The following LHFPL3 variants were observed in gnomAD, a reference collection of about 807,000 sequenced individuals.
The protein encoded by LHFPL3 is LHFPL tetraspan subfamily member 3 protein.
Under a neutral mutation model 19.3 loss-of-function variants are expected in LHFPL3, and 5 were observed. That is an observed-to-expected ratio of 0.26 (90% CI 0.14 to 0.54). LHFPL3 has a LOEUF of 0.54. LHFPL3 is among the 20% of genes least tolerant of loss of function. The pLI is 0.94. For missense variants in LHFPL3, 249 were observed against 307.4 expected (o/e 0.81, Z 1.42); for synonymous variants, 133 against 126.2 (o/e 1.05, Z -0.36).
intron 1 of LHFPL3, among the ~76,000 whole-genome samples, chr7:104,461,551 C>T (rs962122232): frequency 6.6e-6 from 1 of 152,090 alleles, no homozygotes; most frequent in African/African-American, 2.4e-5. Context: ...CTATTCTGTT[C>T]CATTGGTCTA....
chr7:104,874,407 G>GC (rs1791895049), intron 2 of LHFPL3, among the ~76,000 whole-genome samples: 2 of 90,936 alleles, frequency 2.2e-5, no homozygotes, highest in African/African-American at 9.7e-5. Flanking sequence ...TTTTTTTTTT[G>GC]GGGGGGGGAC....
At chr7:104,827,630 T>C (rs753197066) in intron 2 of LHFPL3, among the ~76,000 whole-genome samples, 3 of 151,606 alleles carry the variant, frequency 2.0e-5, no homozygotes, top group Admixed American at 6.6e-5. Context: ...TTTTGATTGA[T>C]AGTATCTTGT....
At chr7:104,870,689 A>C (rs1472653384) in intron 2 of LHFPL3, among the ~76,000 whole-genome samples, 1 of 152,200 alleles carries the variant, frequency 6.6e-6, no homozygotes, top group Admixed American at 6.5e-5. Flanking sequence ...CAGCTGATGC[A>C]GAGAAGAAAG....
At chr7:104,814,889 G>A (rs1356164515) in intron 2 of LHFPL3, among the ~76,000 whole-genome samples, 2 of 152,218 alleles carry the variant, frequency 1.3e-5, no homozygotes, top group Admixed American at 6.5e-5. Flanking sequence ...ACCAGGCGGC[G>A]GGAGCAGGCA....
At chr7:104,504,916 A>G (rs1278278753) in intron 1 of LHFPL3, among the ~76,000 whole-genome samples, 1 of 152,216 alleles carries the variant, frequency 6.6e-6, no homozygotes, top group East Asian at 1.9e-4. Context: ...TCAACAGTGG[A>G]ACAGCTGGCC....
At chr7:104,854,906 T>A (rs1310571240) in intron 2 of LHFPL3, among the ~76,000 whole-genome samples, 1 of 152,210 alleles carries the variant, frequency 6.6e-6, no homozygotes, top group Non-Finnish European at 1.5e-5. Flanking sequence ...GGCGTATAAT[T>A]TCTCATAATT....
chr7:104,580,698 G>A (rs536324528), intron 1 of LHFPL3, among the ~76,000 whole-genome samples: 26 of 151,920 alleles, frequency 1.7e-4, no homozygotes, highest in African/African-American at 5.3e-4. Context: ...CATACTCATC[G>A]CAGTCAATCT....
intron 1 of LHFPL3, among the ~76,000 whole-genome samples, chr7:104,607,007 G>A (rs1282707474): frequency 1.3e-5 from 2 of 152,146 alleles, no homozygotes; most frequent in Non-Finnish European, 2.9e-5. Context: ...ATCTATAGGA[G>A]CAATTGGCAA....
In LHFPL3 at chr7:104,851,539, G is replaced by A. The variant is rs368096890; in HGVS notation, c.683-54648G>A. On this transcript the variant is annotated intron_variant, in intron 2 of 2. Coordinates refer to ENST00000424859, the MANE Select transcript of LHFPL3 (RefSeq NM_199000.3). ...GGTTATGAGTATACTTGGCTTATACGGCCAACGCATTGGTCACCCTGGAAA... is the reference window on the plus strand; with the variant it reads ...GGTTATGAGTATACTTGGCTTATACAGCCAACGCATTGGTCACCCTGGAAA... Among the ~76,000 whole-genome samples, 409 of 152,206 alleles carry A rather than the reference G, an allele frequency of 2.7e-3. 2 individuals are homozygous for A. Among genetic ancestry groups the A allele is most frequent in the Middle Eastern group, 0.014 (4 of 294 alleles).
At chr7:104,734,336 C>T (rs1202509999) in intron 1 of LHFPL3, among the ~76,000 whole-genome samples, 1 of 152,168 alleles carries the variant, frequency 6.6e-6, no homozygotes, top group Admixed American at 6.5e-5. Flanking sequence ...TTCCATTCTC[C>T]CCGTCACTTT....
chr7:104,699,300 G>A lies in LHFPL3; in HGVS notation c.446-37375G>A, dbSNP rs550456222. Among the ~76,000 whole-genome samples the A allele has an allele frequency of 3.3e-5, 5 of 152,330 alleles. No homozygotes were observed. In the East Asian group the frequency reaches 9.6e-4, roughly 29 times the overall value. On this transcript the variant is annotated intron_variant, in intron 1 of 2. Coordinates refer to ENST00000424859, the MANE Select transcript of LHFPL3 (RefSeq NM_199000.3). ...CTGAAGCATCCATCAATAGATGAAT[G>A]TATAAGCAATATATGGTATGCACAT...
intron 2 of LHFPL3, among the ~76,000 whole-genome samples, chr7:104,847,291 A>G (rs1486679140): frequency 2.0e-5 from 3 of 152,216 alleles, no homozygotes; most frequent in Non-Finnish European, 2.9e-5. Context: ...TGTATTGCTG[A>G]CCAAGTTAAC....
intron 1 of LHFPL3, among the ~76,000 whole-genome samples, chr7:104,373,882 G>A (rs901642507): frequency 6.6e-6 from 1 of 152,142 alleles, no homozygotes; most frequent in Non-Finnish European, 1.5e-5. Flanking sequence ...CCCCATAGAG[G>A]ATGGCTTTGC....
At chr7:104,793,978 A>T (rs915668335) in intron 2 of LHFPL3, among the ~76,000 whole-genome samples, 1 of 152,190 alleles carries the variant, frequency 6.6e-6, no homozygotes, top group African/African-American at 2.4e-5. Flanking sequence ...CTCGGTGTGG[A>T]TGGGAAGGGA....
At chr7:104,874,819 A>G (rs938336116) in intron 2 of LHFPL3, among the ~76,000 whole-genome samples, 2 of 151,856 alleles carry the variant, frequency 1.3e-5, no homozygotes, top group Non-Finnish European at 2.9e-5. Context: ...ATCCCACAAC[A>G]TTAAAACTCA....
chr7:104,538,716 A>C (rs1350767733), intron 1 of LHFPL3, among the ~76,000 whole-genome samples: 1 of 152,228 alleles, frequency 6.6e-6, no homozygotes, highest in Non-Finnish European at 1.5e-5. Flanking sequence ...GAATAGCAAA[A>C]GTGGGTATGG....
At chr7:104,457,231 T>C (rs190318429) in intron 1 of LHFPL3, among the ~76,000 whole-genome samples, 1 of 151,930 alleles carries the variant, frequency 6.6e-6, no homozygotes, top group African/African-American at 2.4e-5. Flanking sequence ...AACTCGTCAT[T>C]TAGCATTAGG....
chr7:104,906,322 C>T lies in LHFPL3; in HGVS notation c.*107C>T, dbSNP rs1792615198. 1.6e-6 allele frequency: 2 copies of T among 1,277,324 alleles called. No individual in the cohort carries two copies. Among genetic ancestry groups the T allele is most frequent in the African/African-American group, 1.5e-5 (1 of 67,176 alleles). The allele number at this position is 1,277,324 out of a possible 1,614,324, so 79.1% of individuals were successfully genotyped here. Reference sequence around the variant, plus strand: ...AAGAAGGAATACGCCTGAGAGAGATCAGAGTATATAGATGAATATGAACAA... The same window carrying T: ...AAGAAGGAATACGCCTGAGAGAGATTAGAGTATATAGATGAATATGAACAA... On this transcript the variant is annotated 3_prime_UTR_variant, in exon 3 of 3. Coordinates refer to ENST00000424859, the MANE Select transcript of LHFPL3 (RefSeq NM_199000.3).
At chr7:104,678,350 T>C (rs1203374068) in intron 1 of LHFPL3, among the ~76,000 whole-genome samples, 2 of 152,200 alleles carry the variant, frequency 1.3e-5, no homozygotes, top group African/African-American at 4.8e-5. Context: ...TTACCAAACG[T>C]TGCTTTTTAA....
Sources: gnomAD v4.1 joint callset for allele counts (sites outside exome capture counted in the v4.1 genomes callset) on GRCh38, gnomAD v4.1.1 for gene constraint, MANE v1.5 for transcripts, NCBI Gene and HGNC (gene_info 2026-07-23, HGNC 2026-07-21) for gene names.